The following MCF2L2 variants were observed in gnomAD, a reference collection of about 807,000 sequenced individuals.
The protein encoded by MCF2L2 is probable guanine nucleotide exchange factor MCF2L2.
A neutral mutation model predicts 150.2 loss-of-function variants in MCF2L2; 102 were observed. That is an observed-to-expected ratio of 0.68 (90% CI 0.58 to 0.80). MCF2L2 has a LOEUF of 0.80. MCF2L2 is among the 30% of genes least tolerant of loss of function. The pLI, the probability that MCF2L2 is intolerant of heterozygous loss-of-function variation, is 0.00. For synonymous variants in MCF2L2, 465 were observed against 491.3 expected, an observed-to-expected ratio of 0.95 and a Z score of 0.71; for missense variants, 1,256 against 1,372.8, an observed-to-expected ratio of 0.91 and a Z score of 1.34.
At chr3:183,386,012 C>T (rs1713811177) in intron 2 of MCF2L2, among the ~76,000 whole-genome samples, 1 of 152,220 alleles carries the variant, frequency 6.6e-6, no homozygotes, top group South Asian at 2.1e-4. Flanking sequence ...AGATGTCAGC[C>T]TTAATGTCAT....
At chr3:183,191,416 T>C (rs141524012) in intron 27 of MCF2L2, among the ~76,000 whole-genome samples, 10 of 152,326 alleles carry the variant, frequency 6.6e-5, no homozygotes, top group Non-Finnish European at 1.5e-4. Flanking sequence ...TAGACACTTT[T>C]ATAATGACAG....
chr3:183,383,570 C>A (rs1404822762), intron 2 of MCF2L2, among the ~76,000 whole-genome samples: 1 of 152,020 alleles, frequency 6.6e-6, no homozygotes. Context: ...AATAAAGTCA[C>A]TCCAGGTATC....
chr3:183,285,716 CTTTAT>C (rs1259729627), intron 14 of MCF2L2, among the ~76,000 whole-genome samples: 1 of 152,076 alleles, frequency 6.6e-6, no homozygotes, highest in Non-Finnish European at 1.5e-5. Flanking sequence ...GCTTTTGTTA[CTTTAT>C]TTTTTCTTTT....
intron 13 of MCF2L2, 145 bp from the exon 14 acceptor site, chr3:183,289,365 T>C (rs1175842116): frequency 1.7e-5 from 10 of 598,456 alleles, no homozygotes; most frequent in East Asian, 1.7e-4. Context: ...TTCCTAGGGC[T>C]GGATGAAATT....
intron 26 of MCF2L2, among the ~76,000 whole-genome samples, chr3:183,194,875 G>A (rs1722028971): frequency 6.6e-6 from 1 of 152,060 alleles, no homozygotes; most frequent in Non-Finnish European, 1.5e-5. Context: ...TTGACCTCCT[G>A]GGCTCAAGTG....
chr3:183,376,928 ATCT>A (rs1397063791), intron 3 of MCF2L2: 5 of 152,222 alleles, frequency 3.3e-5, no homozygotes, highest in Non-Finnish European at 7.3e-5. Flanking sequence ...TAGGAATTCC[ATCT>A]TCTCCTCTTA....
Position 183,311,119 on chromosome 3 carries a change from C to G in MCF2L2, c.879-90G>C, listed in dbSNP as rs1729358544. 4.2e-6 allele frequency: 3 copies of G among 713,912 alleles called. No homozygotes were observed. In the South Asian group the frequency reaches 5.1e-5, roughly 12 times the overall value. The allele number at this position is 713,912 out of a possible 1,614,324, so 44.2% of individuals were successfully genotyped here. ...CCTATGGCTAGAACACCTGTGTCTTCGGTCAGTGGTGTCAATTGTGACCAT... is the reference window on the plus strand; with the variant it reads ...CCTATGGCTAGAACACCTGTGTCTTGGGTCAGTGGTGTCAATTGTGACCAT... On this transcript the variant is annotated intron_variant, in intron 8 of 29. Coordinates refer to ENST00000328913, the MANE Select transcript of MCF2L2 (RefSeq NM_015078.4).
intron 14 of MCF2L2, among the ~76,000 whole-genome samples, chr3:183,282,005 G>A (rs1429553258): frequency 3.3e-5 from 5 of 149,816 alleles, no homozygotes; most frequent in Admixed American, 1.3e-4. Context: ...GAGCTCAAGC[G>A]ATCATCCTGC....
chr3:183,216,457 T>C (rs1321874368), intron 21 of MCF2L2, among the ~76,000 whole-genome samples: 1 of 141,230 alleles, frequency 7.1e-6, no homozygotes, highest in African/African-American at 2.6e-5. Flanking sequence ...GTATATTAAA[T>C]ATTTATATAT....
intron 15 of MCF2L2, chr3:183,265,224 G>A (rs1305840356): frequency 2.0e-5 from 3 of 152,178 alleles, no homozygotes; most frequent in Non-Finnish European, 2.9e-5. Flanking sequence ...AATAAATCTG[G>A]CCCCAAACAG....
intron 5 of MCF2L2, among the ~76,000 whole-genome samples, chr3:183,331,553 T>A (rs1433115568): frequency 6.6e-6 from 1 of 152,252 alleles, no homozygotes; most frequent in East Asian, 1.9e-4. Flanking sequence ...GTCTTTTAAC[T>A]GCACAAGAAG....
At chr3:183,229,393 T>A (rs1723465946) in intron 17 of MCF2L2, among the ~76,000 whole-genome samples, 1 of 152,194 alleles carries the variant, frequency 6.6e-6, no homozygotes, top group African/African-American at 2.4e-5. Context: ...TGCTGATGCA[T>A]GAATAAATAA....
intron 5 of MCF2L2, among the ~76,000 whole-genome samples, chr3:183,325,887 C>T (rs1019446988): frequency 6.6e-6 from 1 of 152,156 alleles, no homozygotes; most frequent in African/African-American, 2.4e-5. Flanking sequence ...AGAGTTAATA[C>T]TGTTAAGTAT....
intron 9 of MCF2L2, 79 bp downstream of exon 9, chr3:183,310,836 T>C (rs936282054): frequency 4.4e-6 from 4 of 915,428 alleles, no homozygotes; most frequent in African/African-American, 1.7e-5. Flanking sequence ...GGAAACCCCA[T>C]ACCAAAGAGT....
intron 3 of MCF2L2, among the ~76,000 whole-genome samples, chr3:183,351,486 T>C (rs1231712585): frequency 1.3e-5 from 2 of 152,020 alleles, no homozygotes; most frequent in Admixed American, 1.3e-4. Context: ...ATCCTGTTTG[T>C]CTAGCACTGA....
intron 15 of MCF2L2, among the ~76,000 whole-genome samples, chr3:183,259,466 T>C (rs1463946271): frequency 2.0e-5 from 3 of 152,192 alleles, no homozygotes; most frequent in African/African-American, 7.2e-5. Flanking sequence ...TTTACATCTC[T>C]TCATCAGGTT....
At chr3:183,397,754 T>G (rs1301018266) in intron 1 of MCF2L2, among the ~76,000 whole-genome samples, 1 of 152,206 alleles carries the variant, frequency 6.6e-6, no homozygotes, top group Non-Finnish European at 1.5e-5. Flanking sequence ...TATGCAGCAT[T>G]TTAGCCAAGA....
intron 13 of MCF2L2, among the ~76,000 whole-genome samples, chr3:183,294,105 T>A (rs1728320284): frequency 6.6e-6 from 1 of 152,088 alleles, no homozygotes; most frequent in African/African-American, 2.4e-5. Flanking sequence ...GGACCTAAAA[T>A]AGCCAAAACA....
chr3:183,292,281 A>C (rs1409137969), intron 13 of MCF2L2, among the ~76,000 whole-genome samples: 1 of 152,168 alleles, frequency 6.6e-6, no homozygotes, highest in African/African-American at 2.4e-5. Context: ...CAGGCCAGGC[A>C]TGGTGGCTCA....
Sources: allele counts gnomAD v4.1 joint callset (sites outside exome capture counted in the v4.1 genomes callset), GRCh38; gene constraint gnomAD v4.1.1; transcripts MANE v1.5; gene names NCBI Gene and HGNC (gene_info 2026-07-23, HGNC 2026-07-21).